Variants in MAGI3 observed in about 807,000 individuals in gnomAD.
The protein encoded by MAGI3 is membrane-associated guanylate kinase, WW and PDZ domain-containing protein 3.
MAGI3 carries 43 observed loss-of-function variants against 121.8 expected under a neutral mutation model. That is an observed-to-expected ratio of 0.35 (90% CI 0.28 to 0.46). The LOEUF is 0.46. Among genes scored for constraint, MAGI3 ranks in the 20% least tolerant of loss-of-function variants. The pLI, the probability that MAGI3 is intolerant of heterozygous loss-of-function variation, is 1.00. For missense variants in MAGI3, 1,547 were observed against 1,797.3 expected, an observed-to-expected ratio of 0.86 and a Z score of 2.52; for synonymous variants, 553 against 639.3, an observed-to-expected ratio of 0.86 and a Z score of 2.04.
chr1:113,645,523 A>G (rs1652784777), intron 11 of MAGI3, among the ~76,000 whole-genome samples: 1 of 152,124 alleles, frequency 6.6e-6, no homozygotes, highest in African/African-American at 2.4e-5. Flanking sequence ...TTTATAATTG[A>G]TGGAAGGGTC....
At chr1:113,640,593 G>GCT in intron 9 of MAGI3, among the ~76,000 whole-genome samples, 2 of 152,150 alleles carry the variant, frequency 1.3e-5, no homozygotes, top group South Asian at 4.1e-4. Flanking sequence ...CATAGATGAA[G>GCT]CTGGAAGCCA....
intron 2 of MAGI3, among the ~76,000 whole-genome samples, chr1:113,559,683 T>A (rs921037487): frequency 5.9e-5 from 9 of 152,130 alleles, no homozygotes; most frequent in Non-Finnish European, 1.0e-4. Flanking sequence ...TTCTCCTGCT[T>A]CAGCCTCCTG....
chr1:113,437,842 CT>C (rs776830075), intron 1 of MAGI3, among the ~76,000 whole-genome samples: 200 of 57,022 alleles, frequency 3.5e-3, no homozygotes, highest in Middle Eastern at 0.014. Context: ...TCTTCTTCTT[CT>C]TCTTCTTCTT....
intron 9 of MAGI3, among the ~76,000 whole-genome samples, chr1:113,635,457 G>C (rs1033286839): frequency 1.3e-5 from 2 of 152,004 alleles, no homozygotes; most frequent in Admixed American, 6.6e-5. Flanking sequence ...TTTTGTCAAA[G>C]GCCTTTTCTG....
At chr1:113,393,064 T>A (rs914658611) in intron 1 of MAGI3, among the ~76,000 whole-genome samples, 2 of 152,216 alleles carry the variant, frequency 1.3e-5, no homozygotes, top group Non-Finnish European at 2.9e-5. Context: ...TCTAAATTAT[T>A]GTGATCTTTT....
In MAGI3 at chr1:113,495,232, G is replaced by T. The variant is rs539832144; in HGVS notation, c.317-54283G>T. Reference sequence around the variant, plus strand: ...TCTAATTTTTTTTTAAAACCCATTTGTTAGGCTCTCATATAAATATAACAC... The same window carrying T: ...TCTAATTTTTTTTTAAAACCCATTTTTTAGGCTCTCATATAAATATAACAC... On this transcript the variant is annotated intron_variant, in intron 1 of 20. Coordinates refer to ENST00000307546, the MANE Select transcript of MAGI3 (RefSeq NM_001142782.2). 3.3e-5 allele frequency among the ~76,000 whole-genome samples: 5 copies of T among 152,046 alleles called. No individual in the cohort carries two copies. The South Asian group carries it at 1.0e-3, about 32-fold the overall frequency.
intron 1 of MAGI3, among the ~76,000 whole-genome samples, chr1:113,394,638 T>G (rs942947469): frequency 1.3e-5 from 2 of 152,210 alleles, no homozygotes; most frequent in African/African-American, 4.8e-5. Context: ...CAGAGTTTTA[T>G]GCTTCTTCAT....
intron 1 of MAGI3, among the ~76,000 whole-genome samples, chr1:113,460,064 A>G (rs1287055874): frequency 6.6e-6 from 1 of 152,214 alleles, no homozygotes; most frequent in Non-Finnish European, 1.5e-5. Context: ...TAAAAAAGGT[A>G]ATCCACCATG....
intron 1 of MAGI3, among the ~76,000 whole-genome samples, chr1:113,418,484 A>T (rs933941364): frequency 8.5e-5 from 13 of 152,176 alleles, no homozygotes; most frequent in African/African-American, 3.1e-4. Flanking sequence ...CCCACCTTCA[A>T]CATCTTTGAC....
intron 9 of MAGI3, among the ~76,000 whole-genome samples, chr1:113,630,885 C>T (rs994568747): frequency 6.6e-6 from 1 of 152,166 alleles, no homozygotes; most frequent in Non-Finnish European, 1.5e-5. Context: ...CAGCTCAGCA[C>T]TAGGACTTGT....
chr1:113,552,487 T>C (rs2101674492), intron 2 of MAGI3, among the ~76,000 whole-genome samples: 1 of 152,304 alleles, frequency 6.6e-6, no homozygotes, highest in South Asian at 2.1e-4. Context: ...GCATGGGATG[T>C]CTCATTTTTA....
chr1:113,661,331 G>A (rs562377936), intron 16 of MAGI3, among the ~76,000 whole-genome samples: 60 of 152,318 alleles, frequency 3.9e-4, no homozygotes, highest in Middle Eastern at 3.4e-3. Flanking sequence ...GACAGGCACT[G>A]TCCTAAATGC....
At chr1:113,543,842 T>C (rs967104989) in intron 1 of MAGI3, among the ~76,000 whole-genome samples, 1 of 149,662 alleles carries the variant, frequency 6.7e-6, no homozygotes, top group Admixed American at 6.7e-5. Context: ...CATTCCAGCC[T>C]GGTTGACAGA....
At chr1:113,631,963 G>A (rs1451933843) in intron 9 of MAGI3, among the ~76,000 whole-genome samples, 1 of 152,140 alleles carries the variant, frequency 6.6e-6, no homozygotes, top group African/African-American at 2.4e-5. Context: ...TTGTTTTCCA[G>A]AAAGATTTTA....
intron 1 of MAGI3, among the ~76,000 whole-genome samples, chr1:113,466,989 T>A (rs1174808135): frequency 6.6e-6 from 1 of 152,034 alleles, no homozygotes; most frequent in Non-Finnish European, 1.5e-5. Context: ...TAATTTTGGG[T>A]TTGATTTCTT....
intron 1 of MAGI3, among the ~76,000 whole-genome samples, chr1:113,429,131 G>A (rs180769535): frequency 1.7e-3 from 253 of 152,248 alleles, no homozygotes; most frequent in Non-Finnish European, 3.0e-3. Flanking sequence ...TTTGGCTATT[G>A]CCTCAGCTAT....
intron 7 of MAGI3, among the ~76,000 whole-genome samples, chr1:113,617,284 T>A (rs1385203557): frequency 2.0e-5 from 3 of 152,230 alleles, no homozygotes; most frequent in Non-Finnish European, 4.4e-5. Flanking sequence ...TGTCAAATTG[T>A]GTACTAATAT....
chr1:113,468,702 T>A (rs1028823086), intron 1 of MAGI3, among the ~76,000 whole-genome samples: 1 of 152,206 alleles, frequency 6.6e-6, no homozygotes, highest in Non-Finnish European at 1.5e-5. Flanking sequence ...TTTTAATTAT[T>A]GATTACCCAT....
intron 1 of MAGI3, chr1:113,450,110 A>G: frequency 2.1e-6 from 3 of 1,448,432 alleles, no homozygotes; most frequent in Non-Finnish European, 2.9e-6. Flanking sequence ...AAGTTACGGA[A>G]GACAGGCAGA....
Sources: allele counts gnomAD v4.1 joint callset (sites outside exome capture counted in the v4.1 genomes callset), GRCh38; gene constraint gnomAD v4.1.1; transcripts MANE v1.5; gene names NCBI Gene and HGNC (gene_info 2026-07-23, HGNC 2026-07-21).